Variants in CHMP4B observed in about 807,000 individuals in gnomAD.
CHMP4B encodes SNF7 homolog associated with Alix 1.
In CHMP4B, 1 loss-of-function variant was observed where a neutral mutation model predicts 25.1. That is an observed-to-expected ratio of 0.04 (90% CI 0.01 to 0.19). The LOEUF (loss-of-function observed/expected upper bound fraction) is 0.19, where lower values mean the gene tolerates loss of function less well. CHMP4B is among the 10% of genes least tolerant of loss of function. The pLI is 1.00. For missense variants in CHMP4B, 151 were observed against 289.7 expected, an observed-to-expected ratio of 0.52 and a Z score of 3.48; for synonymous variants, 101 against 115.6, an observed-to-expected ratio of 0.87 and a Z score of 0.81.
intron 1 of CHMP4B, 83 bp from the exon 2 acceptor site, chr20:33,848,384 T>C: frequency 1.4e-6 from 2 of 1,383,982 alleles, no homozygotes; most frequent in Non-Finnish European, 2.0e-6. Context: ...GTGCTTCCAG[T>C]AGAGTTGGGG....
Position 33,820,071 on chromosome 20 carries a change from A to T in CHMP4B, c.190+8413A>T, listed in dbSNP as rs1343734279. Among the ~76,000 whole-genome samples the T allele has an allele frequency of 2.0e-5, 3 of 151,958 alleles. No homozygotes were observed. In the East Asian group the frequency reaches 5.8e-4, roughly 29 times the overall value. On this transcript the variant is annotated intron_variant, in intron 1 of 4. Coordinates refer to ENST00000217402, the MANE Select transcript of CHMP4B (RefSeq NM_176812.5). ...CTGGCAGCTGTAGTCCCAGCTACTCAGGAGGCTGAGGCAGCAGAATGGTGT... is the reference window on the plus strand; with the variant it reads ...CTGGCAGCTGTAGTCCCAGCTACTCTGGAGGCTGAGGCAGCAGAATGGTGT...
rs775409766 is a variant in CHMP4B, at chr20:33,851,022, A to G, written c.439A>G (p.Thr147Ala). 1.9e-6 allele frequency: 3 copies of G among 1,614,114 alleles called. No homozygotes were observed. In the South Asian group the frequency reaches 3.3e-5, roughly 18 times the overall value. The part of the protein sequence containing the change: ...DQQELAEEIS[T>A]AISKPVGFGE... ...GCAAGAACTTGCAGAGGAGATTTCA[A>G]CAGCAATTTCGAAACCTGTAGGGTT... The change falls in exon 3 of 5, where the codon ACA becomes GCA. Residue 147 changes from threonine (T) to alanine (A), a missense_variant. Thr to Ala is a moderately conservative substitution (Grantham distance 58, BLOSUM62 0). This residue lies in a region of CHMP4B where 82 missense variants were observed against 208.3 expected (regional missense o/e 0.39). Coordinates refer to ENST00000217402, the MANE Select transcript of CHMP4B (RefSeq NM_176812.5).
intron 1 of CHMP4B, among the ~76,000 whole-genome samples, chr20:33,826,641 T>C (rs1443509930): frequency 6.6e-6 from 1 of 152,166 alleles, no homozygotes; most frequent in Non-Finnish European, 1.5e-5. Context: ...TGTTCCCTTA[T>C]AAGGAAGTCC....
intron 1 of CHMP4B, among the ~76,000 whole-genome samples, chr20:33,833,556 C>T (rs554621642): frequency 2.6e-5 from 4 of 152,324 alleles, no homozygotes; most frequent in East Asian, 1.9e-4. Context: ...AATCTGATCA[C>T]GTTCCTGTCC....
intron 1 of CHMP4B, among the ~76,000 whole-genome samples, chr20:33,829,031 A>G (rs1415569664): frequency 6.6e-6 from 1 of 152,240 alleles, no homozygotes; most frequent in Non-Finnish European, 1.5e-5. Context: ...AACACCTTGT[A>G]GTACAGGGCA....
intron 1 of CHMP4B, among the ~76,000 whole-genome samples, chr20:33,836,670 C>T (rs1033109229): frequency 6.6e-6 from 1 of 152,134 alleles, no homozygotes; most frequent in Non-Finnish European, 1.5e-5. Context: ...ATGCAGCTCT[C>T]TCCTCAGGTA....
chr20:33,818,548 T>TA (rs1978844213), intron 1 of CHMP4B, among the ~76,000 whole-genome samples: 1 of 152,212 alleles, frequency 6.6e-6, no homozygotes, highest in Admixed American at 6.5e-5. Flanking sequence ...TTGGGACTGA[T>TA]ATCTGTCTTT....
intron 1 of CHMP4B, among the ~76,000 whole-genome samples, chr20:33,831,840 G>A (rs568232362): frequency 1.3e-5 from 2 of 152,106 alleles, no homozygotes; most frequent in East Asian, 1.9e-4. Flanking sequence ...TTTTAATTGC[G>A]CTAAGGTATA....
intron 1 of CHMP4B, among the ~76,000 whole-genome samples, chr20:33,842,663 T>C (rs982794574): frequency 1.3e-5 from 2 of 151,882 alleles, no homozygotes; most frequent in Non-Finnish European, 2.9e-5. Context: ...ACCTCAGGAG[T>C]GTGTTCATTT....
chr20:33,820,836 C>T (rs1978919607), intron 1 of CHMP4B, among the ~76,000 whole-genome samples: 1 of 152,150 alleles, frequency 6.6e-6, no homozygotes, highest in Non-Finnish European at 1.5e-5. Context: ...GAACTATTTG[C>T]AGTACTTTAA....
intron 1 of CHMP4B, among the ~76,000 whole-genome samples, chr20:33,814,315 T>C (rs1978722810): frequency 6.6e-6 from 1 of 152,184 alleles, no homozygotes; most frequent in Non-Finnish European, 1.5e-5. Flanking sequence ...GAAAATACAC[T>C]GTGTCAGCCC....
intron 1 of CHMP4B, among the ~76,000 whole-genome samples, chr20:33,816,264 C>T (rs1044801236): frequency 6.6e-6 from 1 of 152,168 alleles, no homozygotes; most frequent in African/African-American, 2.4e-5. Flanking sequence ...CAGATGTGGT[C>T]TCTGCCATCC....
At chr20:33,836,006 G>A (rs1979382989) in intron 1 of CHMP4B, among the ~76,000 whole-genome samples, 1 of 152,190 alleles carries the variant, frequency 6.6e-6, no homozygotes, top group South Asian at 2.1e-4. Flanking sequence ...CTCTGACATT[G>A]GTGATGAAAT....
At chr20:33,845,017 C>A (rs1040431448) in intron 1 of CHMP4B, among the ~76,000 whole-genome samples, 1 of 152,098 alleles carries the variant, frequency 6.6e-6, no homozygotes, top group Non-Finnish European at 1.5e-5. Context: ...CCTTGGCCCC[C>A]CAAAGTGCTG....
At chr20:33,834,717 T>C (rs953156989) in intron 1 of CHMP4B, among the ~76,000 whole-genome samples, 1 of 152,242 alleles carries the variant, frequency 6.6e-6, no homozygotes, top group African/African-American at 2.4e-5. Flanking sequence ...TTCTTTGACC[T>C]ACGGCTTATT....
intron 1 of CHMP4B, among the ~76,000 whole-genome samples, chr20:33,812,449 C>T (rs1159784284): frequency 6.6e-6 from 1 of 152,226 alleles, no homozygotes; most frequent in Non-Finnish European, 1.5e-5. Flanking sequence ...GCTCCCCAGT[C>T]CCCACTACTA....
Position 33,822,251 on chromosome 20 carries a change from C to T in CHMP4B, c.190+10593C>T, listed in dbSNP as rs142468339. 1.1e-3 allele frequency among the ~76,000 whole-genome samples: 171 copies of T among 152,234 alleles called. 3 individuals are homozygous for T. In the East Asian group the frequency reaches 0.032, roughly 28 times the overall value. On this transcript the variant is annotated intron_variant, in intron 1 of 4. Transcript: ENST00000217402. ...CTCCACCTCCTGGGTTCAAACGATT[C>T]TCCTGCCTCAACCTTGTAAGTAGCT... is the stretch of plus-strand genomic sequence containing the variant.
chr20:33,837,913 G>A (rs766975234), intron 1 of CHMP4B, among the ~76,000 whole-genome samples: 1 of 152,168 alleles, frequency 6.6e-6, no homozygotes, highest in Non-Finnish European at 1.5e-5. Context: ...AACTATATGG[G>A]TTCACCTATT....
chr20:33,853,549 G>C lies in CHMP4B; in HGVS notation c.664G>C (p.Gly222Arg). ...CATGAAGGAATTGGAGAACTGGGCT[G>C]GATCCATGTAATGGGGTCCAGCGCT... The part of the protein sequence containing the change: ...DDMKELENWA[G>R]SM The change falls in exon 5 of 5, where the codon GGA becomes CGA. Residue 222 changes from glycine (G) to arginine (R), a missense_variant. Around this residue, in one of 3 missense-constraint regions of CHMP4B, gnomAD observed 41 missense variants for 50.9 expected, o/e 0.81. Coordinates refer to ENST00000217402, the MANE Select transcript of CHMP4B (RefSeq NM_176812.5). The C allele has an allele frequency of 6.2e-7, 1 of 1,613,886 alleles. No individual in the cohort carries two copies. Among genetic ancestry groups the C allele is most frequent in the Non-Finnish European group, 8.5e-7 (1 of 1,179,916 alleles).
Sources: allele counts gnomAD v4.1 joint callset (sites outside exome capture counted in the v4.1 genomes callset), GRCh38; gene constraint gnomAD v4.1.1; regional missense constraint gnomAD v4.1.1; transcripts MANE v1.5; gene names NCBI Gene and HGNC (gene_info 2026-07-23, HGNC 2026-07-21).